Variants in SNX14 observed in about 807,000 individuals in gnomAD.
The protein encoded by SNX14 is sorting nexin 14.
Under a neutral mutation model 133.8 loss-of-function variants are expected in SNX14, and 93 were observed. That is an observed-to-expected ratio of 0.70 (90% confidence interval 0.59 to 0.83). SNX14 has a LOEUF of 0.83. Among genes scored for constraint, SNX14 ranks in the 40% least tolerant of loss-of-function variants. The pLI, the probability that SNX14 is intolerant of heterozygous loss-of-function variation, is 0.00. For missense variants in SNX14, 945 were observed against 1,094.9 expected, an observed-to-expected ratio of 0.86 and a Z score of 1.93; for synonymous variants, 368 against 365.6, an observed-to-expected ratio of 1.01 and a Z score of -0.07.
intron 4 of SNX14, among the ~76,000 whole-genome samples, chr6:85,569,249 A>G (rs1794862730): frequency 6.6e-6 from 1 of 152,208 alleles, no homozygotes; most frequent in African/African-American, 2.4e-5. Flanking sequence ...GGCGTGAGCC[A>G]ACACGCCCAG....
intron 4 of SNX14, among the ~76,000 whole-genome samples, chr6:85,568,851 T>C (rs1036983139): frequency 6.6e-6 from 1 of 152,206 alleles, no homozygotes; most frequent in African/African-American, 2.4e-5. Context: ...ATGAATAGGA[T>C]AGAGAGAACA....
At chr6:85,577,969 A>T (rs1178463179) in intron 1 of SNX14, among the ~76,000 whole-genome samples, 1 of 152,178 alleles carries the variant, frequency 6.6e-6, no homozygotes, top group Admixed American at 6.5e-5. Context: ...AGTGAGATGG[A>T]GGTGAGGAAG....
chr6:85,511,019 C>A (rs749792660), intron 26 of SNX14, among the ~76,000 whole-genome samples: 1 of 152,132 alleles, frequency 6.6e-6, no homozygotes, highest in South Asian at 2.1e-4. Flanking sequence ...TTCAGAAGAA[C>A]GGACATCTTG....
At chr6:85,561,758 T>G (rs1316573837) in intron 6 of SNX14, among the ~76,000 whole-genome samples, 1 of 152,178 alleles carries the variant, frequency 6.6e-6, no homozygotes, top group Non-Finnish European at 1.5e-5. Flanking sequence ...ATATGAACTT[T>G]GTTTTCAAAG....
rs143007926 is a variant in SNX14 at position 85,517,785 on chromosome 6, G to C, written c.2239C>G (p.Leu747Val). The stretch of plus-strand genomic sequence containing the variant: ...TTGTTGTTTTCTGAAGTAGGGCTGA[G>C]AATGGTCAGTTCTGGTCTACTTGGT... ...PKPSRPELTILSPTSENNKKL... is the reference protein window; with the variant it reads ...PKPSRPELTIVSPTSENNKKL... The change falls in exon 23 of 29, where the codon CTC (leucine) becomes GTC (valine). Residue 747 changes from leucine (L) to valine (V), a missense_variant. This residue lies in a region of SNX14 where 412 missense variants were observed against 516.6 expected (regional missense o/e 0.80). Transcript: ENST00000314673. 22 of 1,605,602 alleles carry C rather than the reference G, an allele frequency of 1.4e-5. No individual in the cohort carries two copies. Among genetic ancestry groups the C allele is most frequent in the Non-Finnish European group, 1.9e-5 (22 of 1,177,978 alleles).
intron 6 of SNX14, among the ~76,000 whole-genome samples, chr6:85,562,967 T>G (rs1792253206): frequency 6.6e-6 from 1 of 152,186 alleles, no homozygotes; most frequent in Non-Finnish European, 1.5e-5. Context: ...AATTTGAACT[T>G]GTTTTCCATA....
intron 13 of SNX14, 45 bp from the exon 14 acceptor site, chr6:85,543,351 A>T (rs1176320917): frequency 2.7e-6 from 4 of 1,475,780 alleles, no homozygotes; most frequent in Non-Finnish European, 2.7e-6. Flanking sequence ...AAATAGCATA[A>T]ATATATACAG....
At chr6:85,585,374 T>TA (rs1178923705) in intron 1 of SNX14, among the ~76,000 whole-genome samples, 2 of 151,482 alleles carry the variant, frequency 1.3e-5, no homozygotes, top group East Asian at 3.9e-4. Context: ...TCCCAGAACT[T>TA]AAAGTATAAT....
intron 2 of SNX14, among the ~76,000 whole-genome samples, chr6:85,573,985 TAC>T (rs1796481125): frequency 6.6e-6 from 1 of 152,114 alleles, no homozygotes; most frequent in Non-Finnish European, 1.5e-5. Context: ...CTTAAAAGCA[TAC>T]ACATATACAA....
intron 7 of SNX14, among the ~76,000 whole-genome samples, chr6:85,556,101 A>G (rs184259037): frequency 9.4e-4 from 143 of 152,344 alleles, no homozygotes; most frequent in Admixed American, 1.3e-3. Context: ...GTAAGATGTT[A>G]ATACTAGGAA....
chr6:85,569,883 C>T (rs1795027384), intron 4 of SNX14, among the ~76,000 whole-genome samples: 1 of 151,968 alleles, frequency 6.6e-6, no homozygotes, highest in Non-Finnish European at 1.5e-5. Flanking sequence ...TCCTCATTGC[C>T]CACATCCTCC....
intron 8 of SNX14, 66 bp from the exon 9 acceptor site, chr6:85,548,442 G>GC: frequency 8.3e-7 from 1 of 1,207,870 alleles, no homozygotes; most frequent in South Asian, 1.4e-5. Context: ...ACTTTCAAGT[G>GC]CATGTGAATT....
rs554482797 is a variant in SNX14, at chr6:85,572,638, TA to T, written c.262-265del. Among the ~76,000 whole-genome samples the T allele has an allele frequency of 7.8e-4, 118 of 152,140 alleles. 1 individual carries two copies. The highest frequency in any genetic ancestry group is 2.7e-3 in the African/African-American group (112 of 41,508). ...GTTAAAATCAATTGTTATGATCACT[TA>T]AAAAAAATTCAGTCTATATTTGAAA... On this transcript the variant is annotated intron_variant, in intron 2 of 28. Coordinates refer to ENST00000314673, the MANE Select transcript of SNX14 (RefSeq NM_153816.6).
intron 1 of SNX14, among the ~76,000 whole-genome samples, chr6:85,586,524 T>G (rs1352198966): frequency 6.6e-6 from 1 of 152,222 alleles, no homozygotes; most frequent in Non-Finnish European, 1.5e-5. Flanking sequence ...TAGATGATAT[T>G]AACCAATTAT....
At chr6:85,526,409 G>C (rs1297240963) in intron 20 of SNX14, among the ~76,000 whole-genome samples, 172 bp from the exon 21 acceptor site, 2 of 152,142 alleles carry the variant, frequency 1.3e-5, no homozygotes, top group Non-Finnish European at 2.9e-5. Context: ...GTAAGACCTT[G>C]GCCTTTATAG....
intron 12 of SNX14, among the ~76,000 whole-genome samples, chr6:85,544,133 C>T (rs527471461): frequency 1.3e-5 from 2 of 151,862 alleles, no homozygotes; most frequent in Non-Finnish European, 2.9e-5. Flanking sequence ...TTTTTTTAGT[C>T]CCAATCAATG....
At chr6:85,562,692 C>T (rs750587518) in intron 6 of SNX14, among the ~76,000 whole-genome samples, 5 of 146,008 alleles carry the variant, frequency 3.4e-5, no homozygotes, top group African/African-American at 5.1e-5. Context: ...CAGGTTCAAG[C>T]GATTCTCCTG....
At position 85,514,086 on chromosome 6, in the gene SNX14, G is replaced by A; in HGVS notation, c.2541C>T (p.Leu847=). ...AATACAAACCTCTGAGAAGTGTTAT[G>A]AGTGAGACCAAACGGTGCTCCTGAA... is the stretch of plus-strand genomic sequence containing the variant. ...QLFQEHRLVS[L]ITLLRDAIFC... Residue 847 remains leucine, a synonymous_variant, in exon 25 of 29, where the codon CTC becomes CTT. Coordinates refer to ENST00000314673, the MANE Select transcript of SNX14 (RefSeq NM_153816.6). 6.2e-7 allele frequency: 1 copy of A among 1,612,736 alleles called. No individual in the cohort carries two copies. The highest frequency in any genetic ancestry group is 1.1e-5 in the South Asian group (1 of 90,628).
chr6:85,515,118 T>C lies in SNX14; in HGVS notation c.2269-489A>G, dbSNP rs367773736. On this transcript the variant is annotated intron_variant, in intron 23 of 28. Transcript: ENST00000314673. ...CATCTCTACTAAAAATACAAAAAAA[T>C]TAGCCAGGTGTAGTGATGCGTGCCT... is the stretch of plus-strand genomic sequence containing the variant. 1.1e-4 allele frequency among the ~76,000 whole-genome samples: 16 copies of C among 151,618 alleles called. No homozygotes were observed. In the East Asian group the frequency reaches 3.1e-3, roughly 29 times the overall value.
Sources: gnomAD v4.1 joint callset for allele counts (sites outside exome capture counted in the v4.1 genomes callset) on GRCh38, gnomAD v4.1.1 for gene constraint, gnomAD v4.1.1 regional missense constraint, MANE v1.5 for transcripts, NCBI Gene and HGNC (gene_info 2026-07-23, HGNC 2026-07-21) for gene names.